Variants in RAB28 observed in about 807,000 individuals in gnomAD.
RAB28 encodes RAB28, member RAS oncogene family, also known as ras-related protein Rab-28.
RAB28 carries 24 observed loss-of-function variants against 31.7 expected under a neutral mutation model. The ratio of observed to expected loss-of-function variants is 0.76; its 90% CI spans 0.55 to 1.06. The LOEUF is 1.06. Among genes scored for constraint, RAB28 ranks in the 50% least tolerant of loss-of-function variants. The probability of loss-of-function intolerance (pLI) is 0.00; values close to 1 mark genes in which losing one functional copy is unlikely to be tolerated. For missense variants in RAB28, 254 were observed against 258.5 expected (o/e 0.98, Z 0.12); for synonymous variants, 100 against 90.4 (o/e 1.11, Z -0.60).
chr4:13,436,074 T>C (rs1714086308), intron 4 of RAB28, among the ~76,000 whole-genome samples: 1 of 152,120 alleles, frequency 6.6e-6, no homozygotes, highest in Non-Finnish European at 1.5e-5. Context: ...ATAAATGTGA[T>C]TCACCACATA....
Position 13,367,971 on chromosome 4 carries a change from A to C in RAB28, c.*587T>G. 1.0e-6 allele frequency: 1 copy of C among 970,970 alleles called. No homozygotes were observed. The highest frequency in any genetic ancestry group is 1.2e-6 in the Non-Finnish European group (1 of 816,812). 60.1% of individuals were successfully genotyped at this position (970,970 alleles called of 1,614,324 possible). A position where few individuals can be genotyped will look rare whatever the true frequency, so the allele number is the denominator to read the frequency against. The stretch of plus-strand genomic sequence containing the variant: ...TATTACTTTGTGAGTTACAAACTAC[A>C]ATATAAACAATTTAGGCCCTTTTTT... On this transcript the variant is annotated 3_prime_UTR_variant, in exon 7 of 7. Transcript: ENST00000330852.
rs565938987 is a variant in RAB28 at position 13,386,243 on chromosome 4, AC to A, written c.392-4650del. ...GATGCCAAAAGCAACTGCAACAAAAACAAAAATTTACAAATGGTACCTAATT... is the reference window on the plus strand; with the variant it reads ...GATGCCAAAAGCAACTGCAACAAAAAAAAAATTTACAAATGGTACCTAATT... On this transcript the variant is annotated intron_variant, in intron 4 of 6. Coordinates refer to ENST00000330852, the MANE Select transcript of RAB28 (RefSeq NM_001017979.3). Among the ~76,000 whole-genome samples, 4 of 152,184 alleles carry A rather than the reference AC, an allele frequency of 2.6e-5. No homozygotes were observed. In the South Asian group the frequency reaches 8.3e-4, roughly 32 times the overall value.
At chr4:13,408,963 G>A (rs1712264170) in intron 4 of RAB28, among the ~76,000 whole-genome samples, 1 of 152,126 alleles carries the variant, frequency 6.6e-6, no homozygotes. Flanking sequence ...TATCTTGCAT[G>A]CTAAGAAGTT....
intron 4 of RAB28, among the ~76,000 whole-genome samples, chr4:13,387,417 A>C (rs1176492741): frequency 2.0e-5 from 3 of 152,072 alleles, no homozygotes; most frequent in Non-Finnish European, 4.4e-5. Flanking sequence ...ATTAGGGAAA[A>C]ACATTAACAA....
intron 4 of RAB28, among the ~76,000 whole-genome samples, chr4:13,405,671 T>C (rs1334998436): frequency 2.0e-5 from 3 of 152,166 alleles, no homozygotes; most frequent in African/African-American, 7.2e-5. Context: ...AAAGAGGAAC[T>C]ACTGAACCCT....
At chr4:13,387,024 A>G in intron 4 of RAB28, among the ~76,000 whole-genome samples, 1 of 152,124 alleles carries the variant, frequency 6.6e-6, no homozygotes, top group East Asian at 1.9e-4. Context: ...GTTCTCACTT[A>G]TAAGTAGGAG....
chr4:13,455,371 C>G (rs1224659253), intron 4 of RAB28, among the ~76,000 whole-genome samples: 5 of 152,190 alleles, frequency 3.3e-5, no homozygotes, highest in African/African-American at 9.7e-5. Flanking sequence ...GACTTTTCCT[C>G]TTACTTGAGT....
chr4:13,470,976 T>TA (rs1474441799), intron 3 of RAB28, among the ~76,000 whole-genome samples: 1 of 152,082 alleles, frequency 6.6e-6, no homozygotes, highest in Non-Finnish European at 1.5e-5. Context: ...CCAGCCTACA[T>TA]ATAAGCTTCT....
At chr4:13,465,754 A>AACACACACACACACACACACACAC (rs33979911) in intron 3 of RAB28, among the ~76,000 whole-genome samples, 5 of 142,200 alleles carry the variant, frequency 3.5e-5, no homozygotes, top group African/African-American at 1.3e-4. Context: ...GGCAATCATG[A>AACACACACACACACACACACACAC]ACACACACAC....
At chr4:13,480,574 G>A (rs1406042334) in intron 1 of RAB28, among the ~76,000 whole-genome samples, 1 of 151,728 alleles carries the variant, frequency 6.6e-6, no homozygotes, top group Non-Finnish European at 1.5e-5. Flanking sequence ...AAGAAAATTT[G>A]GCCAAACTTC....
chr4:13,463,162 G>A (rs1715685408), intron 3 of RAB28, among the ~76,000 whole-genome samples: 1 of 152,108 alleles, frequency 6.6e-6, no homozygotes, highest in South Asian at 2.1e-4. Context: ...CAACTTTGAG[G>A]TAGGTTTTAA....
At chr4:13,458,518 A>C (rs942529555) in intron 4 of RAB28, among the ~76,000 whole-genome samples, 1 of 152,178 alleles carries the variant, frequency 6.6e-6, no homozygotes, top group South Asian at 2.1e-4. Context: ...ATAATACCTG[A>C]CCTAAATCTT....
chr4:13,367,733 TAA>T lies in RAB28; in HGVS notation c.*823_*824del. 2.0e-6 allele frequency: 2 copies of T among 981,734 alleles called. No individual in the cohort carries two copies. The highest frequency in any genetic ancestry group is 2.4e-6 in the Non-Finnish European group (2 of 826,590). 60.8% of individuals were successfully genotyped at this position (981,734 alleles called of 1,614,324 possible). The stretch of plus-strand genomic sequence containing the variant: ...AAATTGCCAAAAGAAGTAATTTAAA[TAA>T]GTTTATTTGTGAAAGAAAAACATCT... On this transcript the variant is annotated 3_prime_UTR_variant, in exon 7 of 7. Coordinates refer to ENST00000330852, the MANE Select transcript of RAB28 (RefSeq NM_001017979.3).
At chr4:13,454,503 G>T (rs1432423089) in intron 4 of RAB28, among the ~76,000 whole-genome samples, 2 of 152,272 alleles carry the variant, frequency 1.3e-5, no homozygotes, top group Non-Finnish European at 2.9e-5. Flanking sequence ...TACTCATATA[G>T]ATGGGCCCTG....
chr4:13,460,576 A>T, intron 4 of RAB28, 123 bp downstream of exon 4: 1 of 1,256,778 alleles, frequency 8.0e-7, no homozygotes, highest in Non-Finnish European at 1.1e-6. Context: ...CCCCACCTCC[A>T]GACACCATCA....
chr4:13,471,372 T>C (rs1716112309), intron 3 of RAB28, among the ~76,000 whole-genome samples: 1 of 152,110 alleles, frequency 6.6e-6, no homozygotes. Context: ...GAGTCACAGC[T>C]TCTCTAGCCT....
rs1461669801 is a variant in RAB28, at chr4:13,368,571, C to T, written c.653G>A (p.Cys218Tyr). ...RTVNPPRSSMCAVQ is the reference protein window; with the variant it reads ...RTVNPPRSSMYAVQ The stretch of plus-strand genomic sequence containing the variant: ...AGAAAAATGCGCTCACTGAACTGCA[C>T]ACATAGAGCTTCTAGGAGGGTTAAC... Residue 218 changes from cysteine to tyrosine, a missense_variant, in exon 7 of 7, where the codon TGT becomes TAT. Physicochemically the swap from Cys to Tyr is radical, Grantham distance 194 (BLOSUM62 -2). Coordinates refer to ENST00000330852, the MANE Select transcript of RAB28 (RefSeq NM_001017979.3). 1.2e-6 allele frequency: 2 copies of T among 1,611,620 alleles called. No homozygotes were observed. The highest frequency in any genetic ancestry group is 2.7e-5 in the African/African-American group (2 of 74,668).
Position 13,368,507 on chromosome 4 carries a change from C to T in RAB28, c.*51G>A. On this transcript the variant is annotated 3_prime_UTR_variant, in exon 7 of 7. Coordinates refer to ENST00000330852, the MANE Select transcript of RAB28 (RefSeq NM_001017979.3). ...ACAAGTTCCTAGAAGTCCTCGGGCC[C>T]ACCCAGAGGTGAAGGGCAGCCAGAA... 6.4e-7 allele frequency: 1 copy of T among 1,563,780 alleles called. No individual in the cohort carries two copies. Among genetic ancestry groups the T allele is most frequent in the Non-Finnish European group, 8.6e-7 (1 of 1,160,036 alleles).
chr4:13,450,334 G>A (rs1027043792), intron 4 of RAB28, among the ~76,000 whole-genome samples: 1 of 151,532 alleles, frequency 6.6e-6, no homozygotes, highest in Admixed American at 6.6e-5. Flanking sequence ...TTTCAAACAT[G>A]ATCTAGTATA....
Sources: gnomAD v4.1 joint callset for allele counts (sites outside exome capture counted in the v4.1 genomes callset) on GRCh38, gnomAD v4.1.1 for gene constraint, MANE v1.5 for transcripts, NCBI Gene and HGNC (gene_info 2026-07-23, HGNC 2026-07-21) for gene names.